Variants in MAD1L1 observed in about 807,000 individuals in gnomAD.
MAD1L1 encodes mitotic arrest deficient 1 like 1, also known as mitotic spindle assembly checkpoint protein MAD1.
MAD1L1 carries 95 observed loss-of-function variants against 96.9 expected under a neutral mutation model. The observed-to-expected ratio is 0.98, with a 90% CI of 0.83 to 1.16. The LOEUF (loss-of-function observed/expected upper bound fraction) is 1.16, where lower values mean the gene tolerates loss of function less well. MAD1L1 is among the 50% of genes most tolerant of loss of function. The probability of loss-of-function intolerance (pLI) is 0.00; values close to 1 mark genes in which losing one functional copy is unlikely to be tolerated. For missense variants in MAD1L1, 1,007 were observed against 954.4 expected, an observed-to-expected ratio of 1.06 and a Z score of -0.73; for synonymous variants, 473 against 396.6, an observed-to-expected ratio of 1.19 and a Z score of -2.29.
chr7:1,869,138 G>C (rs930293110), intron 18 of MAD1L1, among the ~76,000 whole-genome samples: 4 of 152,090 alleles, frequency 2.6e-5, no homozygotes, highest in African/African-American at 9.7e-5. Flanking sequence ...AGGCACCATC[G>C]CCCGCCCCCA....
At position 1,828,314 on chromosome 7, in the gene MAD1L1, C is replaced by T. The variant is rs1200253749; in HGVS notation, c.1999-12086G>A. ...CAGTCACAGCCCAGGCAGGGCCTCGCGGGACCCGAGTTGAGGGACAGGGCT... is the reference window on the plus strand; with the variant it reads ...CAGTCACAGCCCAGGCAGGGCCTCGTGGGACCCGAGTTGAGGGACAGGGCT... On this transcript the variant is annotated intron_variant, in intron 18 of 18. Coordinates refer to ENST00000265854, the MANE Select transcript of MAD1L1 (RefSeq NM_001013836.2). Among the ~76,000 whole-genome samples, 10 of 152,290 alleles carry T rather than the reference C, an allele frequency of 6.6e-5. No homozygotes were observed. In the South Asian group the frequency reaches 1.5e-3, roughly 22 times the overall value.
intron 12 of MAD1L1, among the ~76,000 whole-genome samples, chr7:2,042,237 G>C (rs1365317025): frequency 2.0e-5 from 3 of 147,714 alleles, no homozygotes; most frequent in African/African-American, 7.6e-5. Flanking sequence ...ACAAGCGCAT[G>C]CGCACACGTA....
chr7:1,936,213 T>C (rs4719364), intron 17 of MAD1L1, among the ~76,000 whole-genome samples: 107,797 of 152,154 alleles, frequency 0.71, 38,510 homozygotes, highest in African/African-American at 0.79. Context: ...GTGGGCCTCA[T>C]GTAGACCTGG....
At chr7:1,903,493 TG>T (rs1787403181) in intron 17 of MAD1L1, among the ~76,000 whole-genome samples, 1 of 146,036 alleles carries the variant, frequency 6.8e-6, no homozygotes, top group Non-Finnish European at 1.5e-5. Flanking sequence ...AACTCAAGAT[TG>T]ATCAAGCACT....
intron 11 of MAD1L1, among the ~76,000 whole-genome samples, chr7:2,116,265 G>A (rs1014453382): frequency 6.6e-6 from 1 of 152,334 alleles, no homozygotes; most frequent in South Asian, 2.1e-4. Context: ...GAGGGCAGGC[G>A]GCTGTGTGTG....
intron 12 of MAD1L1, among the ~76,000 whole-genome samples, chr7:2,022,792 C>G (rs1782843965): frequency 6.6e-6 from 1 of 152,012 alleles, no homozygotes. Context: ...AAACAAGACC[C>G]AATTATATGC....
chr7:1,914,224 G>A (rs1412873766), intron 17 of MAD1L1, among the ~76,000 whole-genome samples: 1 of 152,204 alleles, frequency 6.6e-6, no homozygotes, highest in Non-Finnish European at 1.5e-5. Context: ...CGCTGTGATG[G>A]GTGGCAGGAG....
intron 11 of MAD1L1, among the ~76,000 whole-genome samples, chr7:2,105,214 T>G (rs146239389): frequency 9.3e-4 from 141 of 152,254 alleles, no homozygotes; most frequent in African/African-American, 3.3e-3. Context: ...GGAAGGTCTC[T>G]GCCGACAAGG....
intron 17 of MAD1L1, among the ~76,000 whole-genome samples, chr7:1,918,259 T>C (rs1024867284): frequency 6.6e-6 from 1 of 152,134 alleles, no homozygotes; most frequent in Non-Finnish European, 1.5e-5. Flanking sequence ...CCTGCTGCAG[T>C]GAGGCCCACC....
chr7:1,964,368 G>A (rs1474028407), intron 15 of MAD1L1, among the ~76,000 whole-genome samples: 1 of 152,252 alleles, frequency 6.6e-6, no homozygotes, highest in Non-Finnish European at 1.5e-5. Flanking sequence ...CTGCAGCCAT[G>A]TTAACAGAAT....
intron 16 of MAD1L1, among the ~76,000 whole-genome samples, chr7:1,949,254 A>C (rs1779376688): frequency 6.6e-6 from 1 of 152,196 alleles, no homozygotes; most frequent in Admixed American, 6.5e-5. Context: ...TGACCTACCA[A>C]GTCCATGGAA....
intron 10 of MAD1L1, among the ~76,000 whole-genome samples, chr7:2,161,965 C>T (rs1431695394): frequency 6.3e-5 from 9 of 143,872 alleles, no homozygotes; most frequent in Admixed American, 2.1e-4. Flanking sequence ...CCACCCCGTC[C>T]GGGAGGTGGG....
rs192902143 is a variant in MAD1L1, at chr7:2,186,114, G to A, written c.986+27098C>T. On this transcript the variant is annotated intron_variant, in intron 10 of 18. Transcript: ENST00000265854. Reference sequence around the variant, plus strand: ...TTATCAGAAAAATGGGCAATCTTAAGTACTGTTAACAGAAGTATAATTTTG... The same window carrying A: ...TTATCAGAAAAATGGGCAATCTTAAATACTGTTAACAGAAGTATAATTTTG... Among the ~76,000 whole-genome samples, 9 of 152,294 alleles carry A rather than the reference G, an allele frequency of 5.9e-5. No homozygotes were observed. The East Asian group carries it at 1.5e-3, about 26-fold the overall frequency.
chr7:2,059,468 G>T (rs1037408373), intron 12 of MAD1L1, among the ~76,000 whole-genome samples: 21 of 151,644 alleles, frequency 1.4e-4, no homozygotes, highest in Non-Finnish European at 2.7e-4. Context: ...AAGAGGCGTG[G>T]GGCTGGAGAG....
chr7:1,936,819 C>T lies in MAD1L1; in HGVS notation c.1675G>A (p.Glu559Lys), dbSNP rs370551681. 30 of 1,600,912 alleles carry T rather than the reference C, an allele frequency of 1.9e-5. No homozygotes were observed. The highest frequency in any genetic ancestry group is 6.7e-5 in the African/African-American group (5 of 74,818). Residue 559 changes from glutamate to lysine, a missense_variant, in exon 17 of 19, where the codon GAG (glutamate) becomes AAG (lysine). Glu to Lys is a moderately conservative substitution (Grantham distance 56). Coordinates refer to ENST00000265854, the MANE Select transcript of MAD1L1 (RefSeq NM_001013836.2). ...PTSVARQRLR[E>K]DHSQLQAECE... The stretch of plus-strand genomic sequence containing the variant: ...TCCGCCTGCAGCTGGCTGTGGTCCT[C>T]GCGCAGGCGCTGCCTGGCCACACTG...
intron 11 of MAD1L1, among the ~76,000 whole-genome samples, chr7:2,106,734 G>A (rs1432335398): frequency 2.0e-5 from 3 of 152,224 alleles, no homozygotes; most frequent in Non-Finnish European, 4.4e-5. Flanking sequence ...CACGAAACCT[G>A]AGAGAGGAAA....
At chr7:2,054,285 G>A (rs1003475099) in intron 12 of MAD1L1, among the ~76,000 whole-genome samples, 20 of 152,226 alleles carry the variant, frequency 1.3e-4, no homozygotes, top group African/African-American at 3.4e-4. Context: ...CAAACTCCAC[G>A]CACCTGAGGC....
chr7:2,218,084 C>A (rs773397087), intron 6 of MAD1L1, 41 bp from the exon 7 acceptor site: 1 of 1,482,844 alleles, frequency 6.7e-7, no homozygotes, highest in Non-Finnish European at 9.4e-7. Context: ...AACAGGCATG[C>A]GGCAAGGCCA....
intron 10 of MAD1L1, among the ~76,000 whole-genome samples, chr7:2,183,038 C>A (rs938236682): frequency 2.0e-5 from 3 of 152,030 alleles, no homozygotes; most frequent in Non-Finnish European, 4.4e-5. Context: ...GTCTGGACAA[C>A]ATAGTGAGAC....
Sources: allele counts gnomAD v4.1 joint callset (sites outside exome capture counted in the v4.1 genomes callset), GRCh38; gene constraint gnomAD v4.1.1; transcripts MANE v1.5; gene names NCBI Gene and HGNC (gene_info 2026-07-23, HGNC 2026-07-21).